CCDC102B: variants seen among roughly 807,000 people sequenced by gnomAD.
CCDC102B encodes coiled-coil domain-containing protein 102B.
A neutral mutation model predicts 57.4 loss-of-function variants in CCDC102B; 75 were observed. That is an observed-to-expected ratio of 1.31 (90% CI 1.08 to 1.58). CCDC102B has a LOEUF of 1.58. Ranked by LOEUF, CCDC102B falls within the 40% of genes most tolerant of loss-of-function variation. The pLI, the probability that CCDC102B is intolerant of heterozygous loss-of-function variation, is 0.00. For synonymous variants in CCDC102B, 206 were observed against 201.9 expected (o/e 1.02, Z -0.17); for missense variants, 636 against 582.6 (o/e 1.09, Z -0.94).
chr18:68,871,298 C>G (rs2039228855), intron 4 of CCDC102B, among the ~76,000 whole-genome samples: 1 of 152,144 alleles, frequency 6.6e-6, no homozygotes, highest in African/African-American at 2.4e-5. Context: ...TTTTCTATTT[C>G]TGTCCCTTTC....
chr18:68,814,055 G>GA (rs1044123771), intron 1 of CCDC102B, among the ~76,000 whole-genome samples: 37 of 152,068 alleles, frequency 2.4e-4, no homozygotes, highest in African/African-American at 8.2e-4. Flanking sequence ...TTATTAGTAG[G>GA]AAAAAATGAG....
intron 6 of CCDC102B, among the ~76,000 whole-genome samples, chr18:68,918,768 T>C (rs1255881232): frequency 6.6e-6 from 1 of 152,166 alleles, no homozygotes; most frequent in East Asian, 1.9e-4. Context: ...TCCATTTACA[T>C]TGCATTGGAT....
Position 68,772,950 on chromosome 18 carries a change from G to T in CCDC102B, c.-66-50416G>T, listed in dbSNP as rs1246710261. On this transcript the variant is annotated intron_variant, in intron 2 of 3. Transcript: ENST00000578970. ...GCAAACCAGTGTGAGTCTGTAAAAG[G>T]GAGTTAAAGCTTTCTGGTTAAGTGG... Among the ~76,000 whole-genome samples the T allele has an allele frequency of 2.6e-5, 4 of 151,994 alleles. No individual in the cohort carries two copies. In the East Asian group the frequency reaches 7.7e-4, roughly 29 times the overall value.
intron 6 of CCDC102B, among the ~76,000 whole-genome samples, chr18:68,999,011 G>T (rs1160500768): frequency 1.5e-4 from 19 of 126,928 alleles, no homozygotes; most frequent in African/African-American, 2.6e-4. Context: ...GAGAGAGAGA[G>T]AGAGAGAGAG....
At chr18:68,791,854 C>T (rs569088826) in intron 2 of CCDC102B, among the ~76,000 whole-genome samples, 1 of 152,254 alleles carries the variant, frequency 6.6e-6, no homozygotes, top group South Asian at 2.1e-4. Context: ...TAAATCGTAG[C>T]CTCATCTTTT....
At chr18:68,748,558 C>T (rs1316131419) in intron 2 of CCDC102B, among the ~76,000 whole-genome samples, 1 of 152,098 alleles carries the variant, frequency 6.6e-6, no homozygotes, top group African/African-American at 2.4e-5. Context: ...ATAGCAACCT[C>T]CTCTATCAGC....
At chr18:68,750,985 A>T (rs939320770) in intron 2 of CCDC102B, among the ~76,000 whole-genome samples, 1 of 152,110 alleles carries the variant, frequency 6.6e-6, no homozygotes, top group Non-Finnish European at 1.5e-5. Context: ...AAACAAAAAA[A>T]ACTCAATACT....
intron 6 of CCDC102B, among the ~76,000 whole-genome samples, chr18:68,907,001 C>T (rs2040674580): frequency 6.6e-6 from 1 of 151,772 alleles, no homozygotes; most frequent in African/African-American, 2.4e-5. Context: ...AGAAAGAGGT[C>T]CACATTCATC....
intron 6 of CCDC102B, chr18:68,992,755 A>G: frequency 6.4e-6 from 1 of 157,096 alleles, no homozygotes; most frequent in Non-Finnish European, 1.4e-5. Context: ...TGGCCAGGGC[A>G]GGCAGCAGGT....
intron 1 of CCDC102B, among the ~76,000 whole-genome samples, chr18:68,811,065 A>G (rs568723532): frequency 6.6e-6 from 1 of 152,090 alleles, no homozygotes; most frequent in Non-Finnish European, 1.5e-5. Context: ...TCCATGGTGT[A>G]TATGTGCCAC....
At chr18:68,885,592 G>A (rs1468364087) in intron 5 of CCDC102B, among the ~76,000 whole-genome samples, 1 of 151,934 alleles carries the variant, frequency 6.6e-6, no homozygotes, top group African/African-American at 2.4e-5. Context: ...AACAATGTAG[G>A]TAAATGTTTA....
At chr18:68,968,135 G>A (rs1165458692) in intron 6 of CCDC102B, among the ~76,000 whole-genome samples, 1 of 152,044 alleles carries the variant, frequency 6.6e-6, no homozygotes, top group Admixed American at 6.6e-5. Context: ...GTGTTATTAG[G>A]CAATTTTGTC....
chr18:68,863,278 A>C (rs1478865859), intron 4 of CCDC102B, among the ~76,000 whole-genome samples: 1 of 151,824 alleles, frequency 6.6e-6, no homozygotes, highest in Non-Finnish European at 1.5e-5. Context: ...TTAATTTGCA[A>C]TGCCCTATAC....
intron 2 of CCDC102B, among the ~76,000 whole-genome samples, chr18:68,789,989 G>A (rs1351846239): frequency 4.7e-5 from 7 of 150,496 alleles, no homozygotes; most frequent in Non-Finnish European, 1.0e-4. Flanking sequence ...TGATGATGGT[G>A]ATGTACAGAT....
intron 2 of CCDC102B, among the ~76,000 whole-genome samples, chr18:68,730,113 T>A (rs2047410772): frequency 6.6e-6 from 1 of 152,200 alleles, no homozygotes; most frequent in African/African-American, 2.4e-5. Context: ...GAGTAGAATT[T>A]ATATTTATAA....
chr18:68,825,687 AAAT>A (rs2036879556), intron 1 of CCDC102B, among the ~76,000 whole-genome samples: 1 of 152,158 alleles, frequency 6.6e-6, no homozygotes, highest in Non-Finnish European at 1.5e-5. Flanking sequence ...GAGACTCAAA[AAAT>A]AATAATGATA....
chr18:68,992,074 CT>C (rs36116383), intron 6 of CCDC102B, among the ~76,000 whole-genome samples: 25 of 148,750 alleles, frequency 1.7e-4, no homozygotes, highest in Middle Eastern at 3.4e-3. Flanking sequence ...GTTATTGTAT[CT>C]TTTTTTTTTA....
chr18:68,919,793 C>G (rs923908549), intron 6 of CCDC102B, among the ~76,000 whole-genome samples: 2 of 151,972 alleles, frequency 1.3e-5, no homozygotes, highest in African/African-American at 2.4e-5. Context: ...ATGTAGATCT[C>G]TATTCTAAGG....
intron 6 of CCDC102B, among the ~76,000 whole-genome samples, chr18:68,967,860 C>T (rs956884843): frequency 6.6e-6 from 1 of 151,850 alleles, no homozygotes; most frequent in Non-Finnish European, 1.5e-5. Flanking sequence ...TCAAATTAGC[C>T]ATTAAGAGGG....
Sources: allele counts gnomAD v4.1 joint callset (sites outside exome capture counted in the v4.1 genomes callset), GRCh38; gene constraint gnomAD v4.1.1; transcripts MANE v1.5; gene names NCBI Gene and HGNC (gene_info 2026-07-23, HGNC 2026-07-21).